The following CDKL5 variants were observed in gnomAD, a reference collection of about 807,000 sequenced individuals.
The protein encoded by CDKL5 is cyclin dependent kinase like 5, also known as cyclin-dependent kinase-like 5.
A neutral mutation model predicts 61.7 loss-of-function variants in CDKL5; 8 were observed. The observed-to-expected ratio is 0.13, with a 90% CI of 0.08 to 0.23. The LOEUF (loss-of-function observed/expected upper bound fraction) is 0.23, where lower values mean the gene tolerates loss of function less well. Among genes scored for constraint, CDKL5 ranks in the 10% least tolerant of loss-of-function variants. The pLI is 1.00. For synonymous variants in CDKL5, 275 were observed against 272.3 expected (o/e 1.01, Z -0.10); for missense variants, 440 against 734.5 (o/e 0.60, Z 4.63).
At chrX:18,625,499 G>A (rs774517930) in intron 17 of CDKL5, among the ~76,000 whole-genome samples, 2 of 111,513 alleles carry the variant, frequency 1.8e-5, no homozygotes, top group East Asian at 2.8e-4. Context: ...AACTGAAGAT[G>A]TAGTCCCAGC....
intron 12 of CDKL5, among the ~76,000 whole-genome samples, chrX:18,607,203 C>CT (rs1264337948): frequency 1.8e-5 from 2 of 111,026 alleles, no homozygotes; most frequent in African/African-American, 6.6e-5. Context: ...CAGAAGTGTG[C>CT]TCTAAGAGGC....
At chrX:18,490,921 T>TG (rs1340482373) in intron 1 of CDKL5, among the ~76,000 whole-genome samples, 2 of 112,317 alleles carry the variant, frequency 1.8e-5, no homozygotes, top group Non-Finnish European at 3.8e-5. Context: ...CCAATACATT[T>TG]GGAAAACATC....
chrX:18,535,367 GA>G (rs1923786521), intron 3 of CDKL5: 1 of 112,920 alleles, frequency 8.9e-6, no homozygotes, highest in African/African-American at 3.2e-5. Context: ...TACGTGATGT[GA>G]AAAGAAGAGA....
chrX:18,460,430 A>G (rs890463305), intron 1 of CDKL5, among the ~76,000 whole-genome samples: 18 of 112,140 alleles, frequency 1.6e-4, no homozygotes, highest in African/African-American at 5.5e-4. Context: ...GAGGATTACA[A>G]TTGAACCTGA....
At chrX:18,451,417 C>T (rs1932013870) in intron 1 of CDKL5, among the ~76,000 whole-genome samples, 1 of 111,823 alleles carries the variant, frequency 8.9e-6, no homozygotes, top group East Asian at 2.8e-4. Flanking sequence ...GTCTTGAACT[C>T]CCGACCTCAG....
chrX:18,507,312 TAAAC>T, intron 2 of CDKL5, 152 bp downstream of exon 2: 1 of 424,122 alleles, frequency 2.4e-6, no homozygotes. Context: ...AAATTACTCT[TAAAC>T]AATTTGGGTC....
intron 9 of CDKL5, among the ~76,000 whole-genome samples, chrX:18,594,645 G>A (rs1220061986): frequency 1.8e-5 from 2 of 112,065 alleles, no homozygotes; most frequent in Non-Finnish European, 3.8e-5. Flanking sequence ...TATCCTTTCT[G>A]CTAGACCCTC....
chrX:18,556,077 C>G (rs1924592534), intron 3 of CDKL5, among the ~76,000 whole-genome samples: 1 of 111,655 alleles, frequency 9.0e-6, no homozygotes, highest in South Asian at 3.7e-4. Flanking sequence ...CATATTAGCT[C>G]TGACCTGCTA....
chrX:18,522,284 A>T (rs944755392), intron 3 of CDKL5, among the ~76,000 whole-genome samples: 1 of 85,229 alleles, frequency 1.2e-5, no homozygotes, highest in African/African-American at 4.4e-5. Flanking sequence ...ATTCATTCGG[A>T]TGCCTTTTTT....
intron 1 of CDKL5, among the ~76,000 whole-genome samples, chrX:18,453,560 A>G (rs1290049696): frequency 2.7e-5 from 3 of 111,983 alleles, no homozygotes; most frequent in Non-Finnish European, 3.8e-5. Context: ...TTCTTTATAT[A>G]TAATAAAATG....
chrX:18,541,709 C>G (rs1228382706), intron 3 of CDKL5, among the ~76,000 whole-genome samples: 1 of 110,839 alleles, frequency 9.0e-6, no homozygotes, highest in African/African-American at 3.3e-5. Context: ...TTTGTAGAGA[C>G]AGGTTTCACC....
At chrX:18,644,305 G>A (rs1481490100), downstream of CDKL5, 5 of 620,530 alleles carry the variant, frequency 8.1e-6, no homozygotes, top group African/African-American at 2.2e-5. Flanking sequence ...GTGGGGGAAA[G>A]CGCAGATGAT....
intron 3 of CDKL5, among the ~76,000 whole-genome samples, chrX:18,556,882 CAAAAAA>C (rs67362338): frequency 2.2e-5 from 1 of 44,961 alleles, no homozygotes; most frequent in Non-Finnish European, 3.5e-5. Flanking sequence ...GACTCCGTCT[CAAAAAA>C]AAAAAAAAAA....
chrX:18,487,539 C>A (rs1290608757), intron 1 of CDKL5, among the ~76,000 whole-genome samples: 2 of 112,862 alleles, frequency 1.8e-5, no homozygotes, highest in African/African-American at 6.4e-5. Context: ...CCTTAAACAG[C>A]CCTCCTGCCA....
Position 18,609,539 on chromosome X carries a change from T to C in CDKL5, c.2121T>C (p.Pro707=), listed in dbSNP as rs1173187025. 8 of 1,210,137 alleles carry C rather than the reference T, an allele frequency of 6.6e-6. No individual in the cohort carries two copies. The highest frequency in any genetic ancestry group is 8.9e-6 in the Non-Finnish European group (8 of 895,286). Residue 707 remains proline, a synonymous_variant, in exon 14 of 18, where the codon CCT becomes CCC. Transcript: ENST00000623535. The stretch of plus-strand genomic sequence containing the variant: ...AAAATAGACACCTATACAATGATCC[T>C]GTGCCAAGGAGAGTTGGTAGCTTTT... ...PKENRHLYND[P]VPRRVGSFYR... is the part of the protein sequence containing the mutation.
At chrX:18,467,156 C>G (rs1276526320) in intron 1 of CDKL5, among the ~76,000 whole-genome samples, 3 of 110,405 alleles carry the variant, frequency 2.7e-5, no homozygotes, top group African/African-American at 9.9e-5. Flanking sequence ...ACCCTGAGGT[C>G]TAAGAACAAC....
downstream of CDKL5, among the ~76,000 whole-genome samples, chrX:18,644,064 G>A (rs911504730): frequency 9.0e-6 from 1 of 111,385 alleles, no homozygotes; most frequent in Non-Finnish European, 1.9e-5. Context: ...CTATATAAAT[G>A]GATGATTCTC....
In CDKL5 at chrX:18,553,479, T is replaced by C. The variant is rs938447344; in HGVS notation, c.100-10998T>C. On this transcript the variant is annotated intron_variant, in intron 3 of 17. Transcript: ENST00000623535. ...GTGTGTGTGTGCGTGTGTGTGTGTG[T>C]GTGTGTGTGTGTGTGTGTGTGTGTT... 6.7e-4 allele frequency among the ~76,000 whole-genome samples: 72 copies of C among 107,267 alleles called. No individual in the cohort carries two copies. In the East Asian group the frequency reaches 0.018, roughly 26 times the overall value. 93.1% of individuals were successfully genotyped at this position (107,267 alleles called of 115,157 possible).
chrX:18,601,572 C>T (rs1293816788), intron 11 of CDKL5, among the ~76,000 whole-genome samples: 2 of 112,366 alleles, frequency 1.8e-5, no homozygotes, highest in Non-Finnish European at 3.8e-5. Flanking sequence ...GATGCCCTTT[C>T]CACATAGGCG....
Sources: allele counts gnomAD v4.1 joint callset (sites outside exome capture counted in the v4.1 genomes callset), GRCh38; gene constraint gnomAD v4.1.1; transcripts MANE v1.5; gene names NCBI Gene and HGNC (gene_info 2026-07-23, HGNC 2026-07-21).